MARCHF3: variants seen among roughly 807,000 people sequenced by gnomAD.
The protein encoded by MARCHF3 is E3 ubiquitin-protein ligase MARCHF3.
MARCHF3 carries 13 observed loss-of-function variants against 24.2 expected under a neutral mutation model. The ratio of observed to expected loss-of-function variants is 0.54; its 90% CI spans 0.35 to 0.85. The LOEUF is 0.85. Among genes scored for constraint, MARCHF3 ranks in the 40% least tolerant of loss-of-function variants. The probability of loss-of-function intolerance (pLI) is 0.01; values close to 1 mark genes in which losing one functional copy is unlikely to be tolerated. For synonymous variants in MARCHF3, 144 were observed against 137.3 expected, an observed-to-expected ratio of 1.05 and a Z score of -0.34; for missense variants, 276 against 325.0, an observed-to-expected ratio of 0.85 and a Z score of 1.16.
chr5:126,900,941 C>T (rs573962523), intron 3 of MARCHF3, among the ~76,000 whole-genome samples: 4 of 152,028 alleles, frequency 2.6e-5, no homozygotes, highest in South Asian at 4.1e-4. Context: ...ATCTTAGTCA[C>T]GTGATCCACC....
chr5:126,889,544 G>T (rs971510402), intron 3 of MARCHF3, among the ~76,000 whole-genome samples: 1 of 152,040 alleles, frequency 6.6e-6, no homozygotes, highest in Admixed American at 6.5e-5. Context: ...AGACGACAGA[G>T]CAGACAATGT....
intron 1 of MARCHF3, among the ~76,000 whole-genome samples, chr5:126,978,653 A>G (rs1474361850): frequency 1.3e-5 from 2 of 152,232 alleles, no homozygotes; most frequent in Non-Finnish European, 2.9e-5. Flanking sequence ...TCTTCATTCA[A>G]CATTCCCCTC....
chr5:126,956,146 G>C (rs1750434100), intron 1 of MARCHF3, among the ~76,000 whole-genome samples: 1 of 152,130 alleles, frequency 6.6e-6, no homozygotes, highest in Non-Finnish European at 1.5e-5. Context: ...ATAGGTCTCA[G>C]ATTTTTGTCA....
intron 1 of MARCHF3, among the ~76,000 whole-genome samples, chr5:126,974,188 C>T (rs1056244593): frequency 5.9e-5 from 9 of 152,102 alleles, no homozygotes; most frequent in Non-Finnish European, 1.0e-4. Flanking sequence ...TGAGCCACCG[C>T]GCCCGGCCGC....
intron 1 of MARCHF3, among the ~76,000 whole-genome samples, chr5:126,991,722 A>G (rs1751768737): frequency 6.8e-6 from 1 of 147,416 alleles, no homozygotes; most frequent in Admixed American, 6.8e-5. Context: ...TTCTATTTCA[A>G]AAAAAAAAAA....
chr5:126,993,063 C>A (rs146407888), intron 1 of MARCHF3, among the ~76,000 whole-genome samples: 1 of 152,152 alleles, frequency 6.6e-6, no homozygotes, highest in African/African-American at 2.4e-5. Context: ...TGAGCCACTG[C>A]GCCTGGCCGA....
intron 1 of MARCHF3, among the ~76,000 whole-genome samples, chr5:126,962,567 C>T (rs1330413932): frequency 6.6e-6 from 1 of 152,052 alleles, no homozygotes; most frequent in South Asian, 2.1e-4. Flanking sequence ...ATACCTGACA[C>T]TCTGCATTCT....
intron 1 of MARCHF3, among the ~76,000 whole-genome samples, chr5:126,946,761 G>GGTGTGTGTGTGTGTGTGTGTGT (rs58269583): frequency 4.9e-4 from 67 of 136,042 alleles, no homozygotes; most frequent in East Asian, 1.1e-3. Context: ...TGTAAGTAGG[G>GGTGTGTGTGTGTGTGTGTGTGT]GTGTGTGTGT....
At chr5:127,014,909 G>C (rs773196654) in intron 1 of MARCHF3, among the ~76,000 whole-genome samples, 1 of 152,142 alleles carries the variant, frequency 6.6e-6, no homozygotes, top group Non-Finnish European at 1.5e-5. Context: ...GTGTTTTATA[G>C]CACTGCAGAA....
chr5:126,870,882 G>A, intron 4 of MARCHF3, 91 bp from the exon 5 acceptor site: 6 of 1,503,244 alleles, frequency 4.0e-6, no homozygotes, highest in Non-Finnish European at 5.4e-6. Context: ...ATTTGAAAGA[G>A]CTTCAAAGAG....
At chr5:127,007,513 C>G (rs192678749) in intron 1 of MARCHF3, among the ~76,000 whole-genome samples, 1 of 152,108 alleles carries the variant, frequency 6.6e-6, no homozygotes, top group Non-Finnish European at 1.5e-5. Flanking sequence ...TTTCTCAAGG[C>G]CAAGTATACA....
At chr5:126,985,620 C>T (rs1165580002) in intron 1 of MARCHF3, among the ~76,000 whole-genome samples, 2 of 151,826 alleles carry the variant, frequency 1.3e-5, no homozygotes, top group Non-Finnish European at 2.9e-5. Context: ...AGGCGCCCGC[C>T]ACCACGCCTG....
In MARCHF3 at chr5:126,921,091, A is replaced by G. The variant is rs150809849; in HGVS notation, c.-56-2864T>C. ...CTAGCTCAATTTAGGACCTAACTAA[A>G]ATGATAGTCCGGTCCAGCATTCCCT... On this transcript the variant is annotated intron_variant, in intron 1 of 4. Coordinates refer to ENST00000308660, the MANE Select transcript of MARCHF3 (RefSeq NM_178450.5). Among the ~76,000 whole-genome samples the G allele has an allele frequency of 6.6e-5, 10 of 151,838 alleles. No homozygotes were observed. The East Asian group carries it at 1.9e-3, about 29-fold the overall frequency.
intron 3 of MARCHF3, among the ~76,000 whole-genome samples, chr5:126,908,327 T>C (rs1754378660): frequency 6.6e-6 from 1 of 152,132 alleles, no homozygotes; most frequent in African/African-American, 2.4e-5. Context: ...AGGAGTATCT[T>C]TGTGGTGTTC....
At chr5:126,919,105 G>C (rs1349955231) in intron 1 of MARCHF3, among the ~76,000 whole-genome samples, 1 of 152,116 alleles carries the variant, frequency 6.6e-6, no homozygotes, top group Non-Finnish European at 1.5e-5. Flanking sequence ...TTACCTCCTA[G>C]GCACATGGTT....
chr5:126,958,233 T>C (rs1487565751), intron 1 of MARCHF3, among the ~76,000 whole-genome samples: 1 of 152,154 alleles, frequency 6.6e-6, no homozygotes, highest in Non-Finnish European at 1.5e-5. Context: ...TCCAGAATAA[T>C]ACTGAATGAT....
chr5:126,916,128 G>C (rs1754721481), intron 2 of MARCHF3, among the ~76,000 whole-genome samples: 1 of 152,190 alleles, frequency 6.6e-6, no homozygotes, highest in South Asian at 2.1e-4. Flanking sequence ...AAATAACTTG[G>C]CCCTCATCAG....
chr5:126,968,631 A>G (rs1750895660), intron 1 of MARCHF3, among the ~76,000 whole-genome samples: 1 of 152,180 alleles, frequency 6.6e-6, no homozygotes, highest in South Asian at 2.1e-4. Flanking sequence ...GCTGGAGTGC[A>G]GTGGTGGGTT....
At chr5:126,885,442 C>G (rs959544855) in intron 3 of MARCHF3, among the ~76,000 whole-genome samples, 3 of 152,072 alleles carry the variant, frequency 2.0e-5, no homozygotes, top group Non-Finnish European at 2.9e-5. Flanking sequence ...TGGTGCATGC[C>G]TGTAATCCCA....
Sources: allele counts gnomAD v4.1 joint callset (sites outside exome capture counted in the v4.1 genomes callset), GRCh38; gene constraint gnomAD v4.1.1; transcripts MANE v1.5; gene names NCBI Gene and HGNC (gene_info 2026-07-23, HGNC 2026-07-21).